SHANK2: variants seen among roughly 807,000 people sequenced by gnomAD.
The protein encoded by SHANK2 is SH3 and multiple ankyrin repeat domains protein 2.
SHANK2 carries 43 observed loss-of-function variants against 133.7 expected under a neutral mutation model. The ratio of observed to expected loss-of-function variants is 0.32; its 90% CI spans 0.25 to 0.41. SHANK2 has a LOEUF of 0.41. Among genes scored for constraint, SHANK2 ranks in the 10% least tolerant of loss-of-function variants. SHANK2 has a pLI of 1.00. For synonymous variants in SHANK2, 1,017 were observed against 952.8 expected (o/e 1.07, Z -1.24); for missense variants, 1,994 against 2,235.8 (o/e 0.89, Z 2.18).
Position 70,905,818 on chromosome 11 carries a change from T to G in SHANK2, c.1108-9251A>C, listed in dbSNP as rs549848604. ...CCCAGTTTATGTTTTTTTTTTTTTT[T>G]TTTTTTTTTTGAGACGGAGTTTCGC... is the stretch of plus-strand genomic sequence containing the variant. On this transcript the variant is annotated intron_variant, in intron 10 of 25. Coordinates refer to ENST00000601538, the MANE Select transcript of SHANK2 (RefSeq NM_012309.5). Among the ~76,000 whole-genome samples, 12 of 151,384 alleles carry G rather than the reference T, an allele frequency of 7.9e-5. 1 individual carries two copies. Among genetic ancestry groups the G allele is most frequent in the East Asian group, 3.9e-4 (2 of 5,152 alleles).
In SHANK2 at chr11:70,487,318, A is replaced by G. The variant is rs1335480363; in HGVS notation, c.2975T>C (p.Val992Ala). ...GQMPENPYSE[V>A]GKIASKAVYV... ...GACGGCTTTGCTGGCGATCTTCCCCACCTCTGAGTATGGGTTTTCTGGCAT... is the reference window on the plus strand; with the variant it reads ...GACGGCTTTGCTGGCGATCTTCCCCGCCTCTGAGTATGGGTTTTCTGGCAT... Residue 992 changes from valine to alanine, a missense_variant, in exon 25 of 26, where the codon GTG (valine) becomes GCG (alanine). By Grantham distance (64) the Val-to-Ala change is moderately conservative. Transcript: ENST00000601538. The surrounding 1 kb of genome is among the most constrained non-coding windows in gnomAD (Gnocchi z 5.8). 13 of 1,613,934 alleles carry G rather than the reference A, an allele frequency of 8.1e-6. No homozygotes were observed. Among genetic ancestry groups the G allele is most frequent in the South Asian group, 1.1e-5 (1 of 91,058 alleles).
At chr11:70,746,995 C>A (rs377464755) in intron 14 of SHANK2, among the ~76,000 whole-genome samples, 1 of 145,948 alleles carries the variant, frequency 6.9e-6, no homozygotes, top group African/African-American at 2.5e-5. Flanking sequence ...ATCCCTGCAC[C>A]CCCCTACCCC....
At chr11:70,955,422 G>GGGGTGTGTGTGTGTGTGT (rs1220747460) in intron 10 of SHANK2, among the ~76,000 whole-genome samples, 1 of 146,458 alleles carries the variant, frequency 6.8e-6, no homozygotes, top group African/African-American at 2.6e-5. Context: ...AGACCCACGG[G>GGGGTGTGTGTGTGTGTGT]GTGTGTGTGT....
intron 2 of SHANK2, among the ~76,000 whole-genome samples, chr11:71,181,320 A>G (rs1212212918): frequency 6.6e-6 from 1 of 152,128 alleles, no homozygotes; most frequent in Non-Finnish European, 1.5e-5. Context: ...CTGGGTAACA[A>G]GTGGCACATG....
rs1007870683 is a variant in SHANK2 at position 71,181,603 on chromosome 11, G to A, written c.-12-34265C>T. ...CAATCGGAGTGGCCACCAGCAAGAG[G>A]AAAGGGCAGGTGCTGAAAAGAAGCA... On this transcript the variant is annotated intron_variant, in intron 2 of 25. Coordinates refer to ENST00000601538, the MANE Select transcript of SHANK2 (RefSeq NM_012309.5). Among the ~76,000 whole-genome samples, 3 of 152,148 alleles carry A rather than the reference G, an allele frequency of 2.0e-5. No homozygotes were observed. The South Asian group carries it at 6.2e-4, about 32-fold the overall frequency.
chr11:70,806,410 C>T (rs2135268019), intron 13 of SHANK2, among the ~76,000 whole-genome samples: 1 of 152,344 alleles, frequency 6.6e-6, no homozygotes, highest in Middle Eastern at 3.4e-3. Context: ...TCCTGCAGTG[C>T]TTCACACACC....
chr11:70,605,950 C>A (rs1302442731), intron 17 of SHANK2, among the ~76,000 whole-genome samples: 5 of 151,788 alleles, frequency 3.3e-5, no homozygotes, highest in Non-Finnish European at 5.9e-5. Context: ...CCTATTATTC[C>A]CCCCCCTCCT....
At chr11:70,748,046 C>G (rs533733741) in intron 14 of SHANK2, among the ~76,000 whole-genome samples, 2 of 148,762 alleles carry the variant, frequency 1.3e-5, no homozygotes, top group East Asian at 3.9e-4. Context: ...GTTATCTTGT[C>G]CACTCTGTAC....
chr11:70,943,294 C>T (rs2135855004), intron 10 of SHANK2, among the ~76,000 whole-genome samples: 1 of 152,226 alleles, frequency 6.6e-6, no homozygotes, highest in East Asian at 1.9e-4. Context: ...TAGATAAACT[C>T]AACAAAGAAA....
intron 17 of SHANK2, among the ~76,000 whole-genome samples, chr11:70,606,716 G>A (rs2060583560): frequency 6.6e-6 from 1 of 152,010 alleles, no homozygotes; most frequent in African/African-American, 2.4e-5. Context: ...CCTGGCTTGG[G>A]GTTAGGAGCT....
chr11:70,826,455 CT>C (rs1555057229), intron 11 of SHANK2: 3 of 471,110 alleles, frequency 6.4e-6, no homozygotes, highest in South Asian at 4.6e-5. Flanking sequence ...CTCCCGACAG[CT>C]TTTTCCTTAC....
At chr11:71,242,395 G>A (rs1319138091) in intron 1 of SHANK2, among the ~76,000 whole-genome samples, 1 of 152,134 alleles carries the variant, frequency 6.6e-6, no homozygotes, top group Non-Finnish European at 1.5e-5. Flanking sequence ...TTATGTTATA[G>A]GTATTTTGCA....
chr11:71,237,168 C>T (rs577911884), intron 1 of SHANK2, among the ~76,000 whole-genome samples: 11 of 152,350 alleles, frequency 7.2e-5, no homozygotes, highest in Admixed American at 2.6e-4. Flanking sequence ...GAAGCTCCCC[C>T]TCTTGCTGCC....
intron 9 of SHANK2, among the ~76,000 whole-genome samples, chr11:71,070,792 CA>C (rs1263928270): frequency 1.2e-4 from 18 of 152,268 alleles, no homozygotes; most frequent in Admixed American, 1.0e-3. Flanking sequence ...ATGCGACACG[CA>C]AAGCCTAAAA....
chr11:70,532,409 C>T (rs782282937), intron 17 of SHANK2, among the ~76,000 whole-genome samples: 56 of 152,300 alleles, frequency 3.7e-4, no homozygotes, highest in South Asian at 2.5e-3. Context: ...GGCCTTCTCA[C>T]ATTTGCACAA....
chr11:71,216,085 C>T (rs1954407009), intron 2 of SHANK2, among the ~76,000 whole-genome samples: 1 of 152,252 alleles, frequency 6.6e-6, no homozygotes, highest in African/African-American at 2.4e-5. Flanking sequence ...CACTGAGGGA[C>T]ACACGACTCC....
chr11:70,577,437 T>C (rs1321092224), intron 17 of SHANK2, among the ~76,000 whole-genome samples: 1 of 152,152 alleles, frequency 6.6e-6, no homozygotes, highest in Non-Finnish European at 1.5e-5. Flanking sequence ...GTCACATGAT[T>C]CCCTGAGCCT....
At chr11:70,645,764 C>T (rs1259232364) in intron 17 of SHANK2, among the ~76,000 whole-genome samples, 1 of 152,118 alleles carries the variant, frequency 6.6e-6, no homozygotes, top group Non-Finnish European at 1.5e-5. Flanking sequence ...AGGCAGAGTG[C>T]CCTGGGCTTT....
rs2058624245 is a variant in SHANK2, at chr11:70,473,493, A to C, written c.4980-54T>G. On this transcript the variant is annotated intron_variant, in intron 25 of 25. Transcript: ENST00000601538. This position sits in a 1 kb window ranked among gnomAD's most constrained non-coding sequence, Gnocchi z 5.9. ...ACAAGGCAGGTCACCGAGTCAGGGC[A>C]GCTGGCTGCAGATCACCCAGGAAGG... The C allele has an allele frequency of 6.4e-7, 1 of 1,572,250 alleles. No individual in the cohort carries two copies. Among genetic ancestry groups the C allele is most frequent in the Non-Finnish European group, 8.6e-7 (1 of 1,156,908 alleles).
Sources: gnomAD v4.1 joint callset for allele counts (sites outside exome capture counted in the v4.1 genomes callset) on GRCh38, gnomAD v4.1.1 for gene constraint, Gnocchi (gnomAD v3.1) non-coding constraint, MANE v1.5 for transcripts, NCBI Gene and HGNC (gene_info 2026-07-23, HGNC 2026-07-21) for gene names.